Variants in DEPDC4 observed in about 807,000 individuals in gnomAD.
DEPDC4 encodes DEP domain-containing protein 4.
In DEPDC4, 52 loss-of-function variants were observed where a neutral mutation model predicts 52.0. The observed-to-expected ratio is 1.00, with a 90% CI of 0.80 to 1.26. The LOEUF (loss-of-function observed/expected upper bound fraction) is 1.26, where lower values mean the gene tolerates loss of function less well. Among genes scored for constraint, DEPDC4 ranks in the 50% most tolerant of loss-of-function variants. DEPDC4 has a pLI of 0.00. For synonymous variants in DEPDC4, 201 were observed against 196.8 expected, an observed-to-expected ratio of 1.02 and a Z score of -0.18; for missense variants, 530 against 546.9, an observed-to-expected ratio of 0.97 and a Z score of 0.31.
At chr12:100,249,018 T>C (rs2096197092) in intron 7 of DEPDC4, 40 bp from the exon 8 acceptor site, 1 of 864,978 alleles carries the variant, frequency 1.2e-6, no homozygotes, top group South Asian at 5.3e-5. Context: ...TAATATGATT[T>C]TTTTCTAGCC....
At chr12:100,236,674 G>A (rs1022086029), downstream of DEPDC4, among the ~76,000 whole-genome samples, 5 of 152,044 alleles carry the variant, frequency 3.3e-5, no homozygotes, top group Non-Finnish European at 5.9e-5. Flanking sequence ...GTGCAAAAGC[G>A]CTTTTGTTTA....
chr12:100,270,880 T>G (rs1460145017), upstream of DEPDC4, among the ~76,000 whole-genome samples: 1 of 152,064 alleles, frequency 6.6e-6, no homozygotes, highest in African/African-American at 2.4e-5. Flanking sequence ...TTTAGCATGG[T>G]GCTTTTCATC....
chr12:100,256,490 C>G (rs1426618120), intron 3 of DEPDC4, among the ~76,000 whole-genome samples: 1 of 151,908 alleles, frequency 6.6e-6, no homozygotes, highest in Non-Finnish European at 1.5e-5. Context: ...GCTCTTAAGG[C>G]CAACATTAAT....
At chr12:100,278,002 A>G in the DEPDC4 span, among the ~76,000 whole-genome samples, 55 of 152,280 alleles carry the variant, frequency 3.6e-4, no homozygotes, top group African/African-American at 1.3e-3. Context: ...TCTTTAAAAA[A>G]TATACTTATA....
chr12:100,262,786 A>G (rs1450843031), intron 2 of DEPDC4, among the ~76,000 whole-genome samples: 1 of 152,194 alleles, frequency 6.6e-6, no homozygotes, highest in Non-Finnish European at 1.5e-5. Flanking sequence ...ACTCTGAAAA[A>G]TTTATGTGAT....
At chr12:100,273,790 C>T in the DEPDC4 span, among the ~76,000 whole-genome samples, 1 of 152,178 alleles carries the variant, frequency 6.6e-6, no homozygotes, top group Admixed American at 6.5e-5. Flanking sequence ...CATGTACATT[C>T]TTACCACAAG....
At chr12:100,259,874 T>C (rs777755917) in intron 3 of DEPDC4, among the ~76,000 whole-genome samples, 1 of 152,132 alleles carries the variant, frequency 6.6e-6, no homozygotes, top group Non-Finnish European at 1.5e-5. Context: ...GTTATGTGCC[T>C]ATAAAACAAG....
At chr12:100,277,632 G>A in the DEPDC4 span, among the ~76,000 whole-genome samples, 1 of 151,958 alleles carries the variant, frequency 6.6e-6, no homozygotes. Context: ...CATATAGTTA[G>A]GTCTTGCTTT....
intron 1 of DEPDC4, 74 bp from the exon 2 acceptor site, chr12:100,263,967 A>C: frequency 7.2e-7 from 1 of 1,390,090 alleles, no homozygotes; most frequent in Non-Finnish European, 9.7e-7. Context: ...AGTTTTGACA[A>C]CCTTATGCTT....
At chr12:100,279,460 G>A in the DEPDC4 span, among the ~76,000 whole-genome samples, 5 of 152,194 alleles carry the variant, frequency 3.3e-5, no homozygotes, top group East Asian at 3.8e-4. Flanking sequence ...AAGTCACATC[G>A]TCTTGCTTCT....
intron 4 of DEPDC4, among the ~76,000 whole-genome samples, chr12:100,254,694 T>C (rs2096224837): frequency 6.6e-6 from 1 of 151,922 alleles, no homozygotes; most frequent in African/African-American, 2.4e-5. Context: ...CTTTCCTTCC[T>C]TTCTTTCTCC....
At chr12:100,232,798 G>A (rs545536098) in intron 9 of DEPDC4, among the ~76,000 whole-genome samples, 4 of 152,066 alleles carry the variant, frequency 2.6e-5, no homozygotes, top group South Asian at 4.2e-4. Context: ...CAGAACAATC[G>A]CTTGAACCTG....
chr12:100,262,860 G>A (rs2096258531), intron 2 of DEPDC4, among the ~76,000 whole-genome samples: 1 of 152,168 alleles, frequency 6.6e-6, no homozygotes. Flanking sequence ...AAAACAAAAT[G>A]TTGTAAAGGA....
chr12:100,235,707 T>C (rs2096140374), downstream of DEPDC4, among the ~76,000 whole-genome samples: 1 of 152,128 alleles, frequency 6.6e-6, no homozygotes, highest in East Asian at 1.9e-4. Flanking sequence ...CCCAAGTAGC[T>C]GGGATTACAG....
chr12:100,275,884 G>T, the DEPDC4 span, among the ~76,000 whole-genome samples: 1 of 152,246 alleles, frequency 6.6e-6, no homozygotes, highest in East Asian at 1.9e-4. Flanking sequence ...TTTTTATTAT[G>T]AATTGGTATT....
chr12:100,248,862 C>A (rs1254757274), intron 8 of DEPDC4, 38 bp downstream of exon 8: 13 of 890,616 alleles, frequency 1.5e-5, no homozygotes, highest in Middle Eastern at 5.7e-4. Context: ...CAACAACAGT[C>A]ACTTAATGAT....
intron 8 of DEPDC4, among the ~76,000 whole-genome samples, chr12:100,244,972 A>C (rs2096179107): frequency 6.6e-6 from 1 of 151,806 alleles, no homozygotes; most frequent in Non-Finnish European, 1.5e-5. Context: ...CCCGGGTTCA[A>C]GCGAGTGTCC....
rs1337609526 is a variant in DEPDC4 at position 100,265,608 on chromosome 12, C to A, written c.157+1312G>T. ...AAAACAGTCTATTACCTGAAAAAAA[C>A]AGTTAAATAAATTATGGTATACCCT... On this transcript the variant is annotated intron_variant, in intron 1 of 9. Transcript: ENST00000550587. 3.9e-5 allele frequency among the ~76,000 whole-genome samples: 6 copies of A among 151,996 alleles called. No individual in the cohort carries two copies. The East Asian group carries it at 1.2e-3, about 29-fold the overall frequency.
intron 9 of DEPDC4, among the ~76,000 whole-genome samples, chr12:100,234,602 C>G (rs1216965834): frequency 6.6e-6 from 1 of 152,010 alleles, no homozygotes; most frequent in Non-Finnish European, 1.5e-5. Flanking sequence ...GATTCAGGAG[C>G]CTGACTAAAG....
Sources: gnomAD v4.1 joint callset for allele counts (sites outside exome capture counted in the v4.1 genomes callset) on GRCh38, gnomAD v4.1.1 for gene constraint, MANE v1.5 for transcripts, NCBI Gene and HGNC (gene_info 2026-07-23, HGNC 2026-07-21) for gene names.